Variants in ARHGAP42 observed in about 807,000 individuals in gnomAD.
ARHGAP42 encodes rho GTPase-activating protein 42.
A neutral mutation model predicts 125.0 loss-of-function variants in ARHGAP42; 63 were observed. The ratio of observed to expected loss-of-function variants is 0.50; its 90% CI spans 0.41 to 0.62. The LOEUF is 0.62. Among genes scored for constraint, ARHGAP42 ranks in the 20% least tolerant of loss-of-function variants. The probability of loss-of-function intolerance (pLI) is 0.00; values close to 1 mark genes in which losing one functional copy is unlikely to be tolerated. For synonymous variants in ARHGAP42, 339 were observed against 351.0 expected, an observed-to-expected ratio of 0.97 and a Z score of 0.38; for missense variants, 766 against 1,024.2, an observed-to-expected ratio of 0.75 and a Z score of 3.44.
intron 1 of ARHGAP42, among the ~76,000 whole-genome samples, chr11:100,723,338 G>T (rs1861798844): frequency 6.6e-6 from 1 of 152,128 alleles, no homozygotes; most frequent in Non-Finnish European, 1.5e-5. Context: ...TTTTGATTGG[G>T]ATTGCATTCA....
At chr11:100,950,005 A>C in intron 12 of ARHGAP42, 49 bp downstream of exon 12, 4 of 1,164,988 alleles carry the variant, frequency 3.4e-6, no homozygotes, top group Non-Finnish European at 4.9e-6. Context: ...AGTTATTTTT[A>C]ACACAAAAGC....
At chr11:100,903,747 T>A (rs1866637792) in intron 4 of ARHGAP42, among the ~76,000 whole-genome samples, 1 of 113,528 alleles carries the variant, frequency 8.8e-6, no homozygotes. Context: ...TATATATATA[T>A]ATATATATGT....
chr11:100,918,736 C>A (rs181956227), intron 5 of ARHGAP42, among the ~76,000 whole-genome samples: 3 of 152,126 alleles, frequency 2.0e-5, no homozygotes, highest in Non-Finnish European at 4.4e-5. Flanking sequence ...CTCTGGATGA[C>A]GTTTCACAGC....
intron 11 of ARHGAP42, among the ~76,000 whole-genome samples, chr11:100,949,464 T>C (rs1284902647): frequency 6.6e-6 from 1 of 152,158 alleles, no homozygotes; most frequent in East Asian, 1.9e-4. Context: ...ATTCACTCTT[T>C]ACCAGAAATA....
intron 4 of ARHGAP42, among the ~76,000 whole-genome samples, chr11:100,903,739 T>TATATATATATATATATATAG (rs1866636684): frequency 9.2e-6 from 1 of 108,902 alleles, no homozygotes; most frequent in Non-Finnish European, 1.9e-5. Context: ...TATATATATA[T>TATATATATATATATATATAG]ATATATATAT....
chr11:100,845,670 G>T (rs1865048854), intron 3 of ARHGAP42, among the ~76,000 whole-genome samples: 1 of 152,174 alleles, frequency 6.6e-6, no homozygotes, highest in Non-Finnish European at 1.5e-5. Flanking sequence ...GGTAGCTGAA[G>T]AGATAGAAGC....
In ARHGAP42 at chr11:100,903,117, G is replaced by GCGCACACAGACACACACACACA. The variant is rs373508179; in HGVS notation, c.385-10334_385-10333insGCACACAGACACACACACACAC. On this transcript the variant is annotated intron_variant, in intron 4 of 23. Coordinates refer to ENST00000298815, the MANE Select transcript of ARHGAP42 (RefSeq NM_152432.4). ...TCCTCAATCTTGCTGTCCAAGATGC[G>GCGCACACAGACACACACACACA]CACACACACACACACACACACACAC... Among the ~76,000 whole-genome samples the GCGCACACAGACACACACACACA allele has an allele frequency of 2.2e-4, 29 of 132,036 alleles. 1 individual carries two copies. The East Asian group carries it at 5.5e-3, about 25-fold the overall frequency. The allele number at this position is 132,036 out of a possible 152,430, so 86.6% of individuals were successfully genotyped here.
At chr11:100,873,752 A>G (rs763890424) in intron 4 of ARHGAP42, among the ~76,000 whole-genome samples, 22 of 152,192 alleles carry the variant, frequency 1.4e-4, no homozygotes, top group Admixed American at 3.3e-4. Flanking sequence ...CTTTTTACTA[A>G]TGAGTAAACT....
At chr11:100,882,416 A>G (rs1865983099) in intron 4 of ARHGAP42, among the ~76,000 whole-genome samples, 1 of 151,340 alleles carries the variant, frequency 6.6e-6, no homozygotes. Context: ...TGAATGTTAA[A>G]CCATCCCTGT....
At chr11:100,919,155 C>T (rs1867164795) in intron 5 of ARHGAP42, among the ~76,000 whole-genome samples, 2 of 152,046 alleles carry the variant, frequency 1.3e-5, no homozygotes, top group Non-Finnish European at 2.9e-5. Flanking sequence ...GGAGCTGTGG[C>T]ATGTGAAATG....
chr11:100,750,589 T>A (rs1345265686), intron 1 of ARHGAP42, among the ~76,000 whole-genome samples: 1 of 150,152 alleles, frequency 6.7e-6, no homozygotes, highest in African/African-American at 2.5e-5. Flanking sequence ...TTGGCTAGGG[T>A]TAGACCGCAC....
chr11:100,949,122 A>G (rs151171556), intron 11 of ARHGAP42, among the ~76,000 whole-genome samples: 33 of 152,168 alleles, frequency 2.2e-4, no homozygotes, highest in Non-Finnish European at 4.1e-4. Context: ...CTGTTACTAG[A>G]TCAGTAGAGG....
chr11:100,813,250 A>G (rs1013237997), intron 3 of ARHGAP42, among the ~76,000 whole-genome samples: 1 of 152,112 alleles, frequency 6.6e-6, no homozygotes, highest in Non-Finnish European at 1.5e-5. Context: ...TAGGATGTTT[A>G]GCAATATCCC....
chr11:100,900,211 C>T (rs1866504966), intron 4 of ARHGAP42, among the ~76,000 whole-genome samples: 1 of 152,138 alleles, frequency 6.6e-6, no homozygotes, highest in Non-Finnish European at 1.5e-5. Context: ...AAATTCTTTT[C>T]TTTAAGAATG....
intron 1 of ARHGAP42, among the ~76,000 whole-genome samples, chr11:100,751,671 G>T (rs546145030): frequency 1.1e-4 from 17 of 151,640 alleles, no homozygotes; most frequent in Non-Finnish European, 1.8e-4. Context: ...ACACAGGCAA[G>T]GGGGAGCCAC....
intron 16 of ARHGAP42, among the ~76,000 whole-genome samples, chr11:100,964,369 T>A (rs1229978617): frequency 6.6e-6 from 1 of 152,174 alleles, no homozygotes; most frequent in African/African-American, 2.4e-5. Flanking sequence ...TGGAGTAGAT[T>A]TGGTCACTTC....
chr11:100,933,993 G>T (rs563235144), intron 7 of ARHGAP42, among the ~76,000 whole-genome samples: 2 of 152,094 alleles, frequency 1.3e-5, no homozygotes, highest in Admixed American at 6.5e-5. Flanking sequence ...CACCATGTTG[G>T]TCAGGCTGGT....
rs187886253 is a variant in ARHGAP42, at chr11:100,752,334, G to A, written c.155-18009G>A. On this transcript the variant is annotated intron_variant, in intron 1 of 23. Coordinates refer to ENST00000298815, the MANE Select transcript of ARHGAP42 (RefSeq NM_152432.4). Reference sequence around the variant, plus strand: ...TCCAAGGCCCTTCATGAGCACCAGGGCTGCCTGCCTGTTGGGGTATTGTTG... The same window carrying A: ...TCCAAGGCCCTTCATGAGCACCAGGACTGCCTGCCTGTTGGGGTATTGTTG... 3.3e-5 allele frequency among the ~76,000 whole-genome samples: 5 copies of A among 152,306 alleles called. No individual in the cohort carries two copies. In the South Asian group the frequency reaches 8.3e-4, roughly 25 times the overall value.
At chr11:100,815,342 GT>G (rs1370920110) in intron 3 of ARHGAP42, among the ~76,000 whole-genome samples, 1 of 152,122 alleles carries the variant, frequency 6.6e-6, no homozygotes, top group Admixed American at 6.6e-5. Flanking sequence ...AGTCATTTAT[GT>G]AGGCTGGATT....
Sources: gnomAD v4.1 joint callset for allele counts (sites outside exome capture counted in the v4.1 genomes callset) on GRCh38, gnomAD v4.1.1 for gene constraint, MANE v1.5 for transcripts, NCBI Gene and HGNC (gene_info 2026-07-23, HGNC 2026-07-21) for gene names.